DLGAP1: variants seen among roughly 807,000 people sequenced by gnomAD.
DLGAP1 encodes the protein DLG associated protein 1.
In DLGAP1, 11 loss-of-function variants were observed where a neutral mutation model predicts 90.8. The observed-to-expected ratio is 0.12, with a 90% confidence interval of 0.08 to 0.20. The LOEUF is 0.20. Ranked by LOEUF, DLGAP1 falls within the 10% of genes least tolerant of loss-of-function variation. The pLI, the probability that DLGAP1 is intolerant of heterozygous loss-of-function variation, is 1.00. For synonymous variants in DLGAP1, 558 were observed against 540.7 expected (o/e 1.03, Z -0.44); for missense variants, 1,050 against 1,333.8 (o/e 0.79, Z 3.31).
chr18:4,349,773 G>T (rs974854920), intron 1 of DLGAP1, among the ~76,000 whole-genome samples: 1 of 152,056 alleles, frequency 6.6e-6, no homozygotes, highest in African/African-American at 2.4e-5. Flanking sequence ...ACTTCTGGGG[G>T]TGTTAATCAG....
chr18:4,095,900 C>G (rs994575425), intron 2 of DLGAP1, among the ~76,000 whole-genome samples: 1 of 151,740 alleles, frequency 6.6e-6, no homozygotes, highest in Non-Finnish European at 1.5e-5. Context: ...GCGGAATCTT[C>G]GAAGTGATTT....
intron 4 of DLGAP1, among the ~76,000 whole-genome samples, chr18:3,842,689 T>C (rs1348491939): frequency 4.0e-5 from 6 of 151,732 alleles, no homozygotes; most frequent in Admixed American, 6.6e-5. Context: ...ATTGGCCCCA[T>C]GTTTCAGCGT....
intron 4 of DLGAP1, among the ~76,000 whole-genome samples, chr18:3,818,047 C>G (rs1486586253): frequency 6.6e-6 from 1 of 152,056 alleles, no homozygotes; most frequent in Admixed American, 6.6e-5. Flanking sequence ...ACTCAACAAA[C>G]ATAAACAAAT....
At chr18:3,627,338 C>T (rs1250858427) in intron 7 of DLGAP1, among the ~76,000 whole-genome samples, 2 of 150,868 alleles carry the variant, frequency 1.3e-5, no homozygotes, top group South Asian at 2.1e-4. Flanking sequence ...CTTCTGAGCT[C>T]AGGGAAGGCA....
chr18:3,882,087 C>T (rs2071187270), intron 3 of DLGAP1, among the ~76,000 whole-genome samples: 1 of 152,106 alleles, frequency 6.6e-6, no homozygotes, highest in Non-Finnish European at 1.5e-5. Flanking sequence ...AAAGATATGG[C>T]AAATAAATCA....
At chr18:3,520,286 T>G (rs2051099658) in intron 10 of DLGAP1, among the ~76,000 whole-genome samples, 1 of 152,162 alleles carries the variant, frequency 6.6e-6, no homozygotes, top group East Asian at 1.9e-4. Flanking sequence ...TCCGAACTCC[T>G]TCTGCCAGTG....
chr18:4,361,011 T>C (rs1414200764), intron 1 of DLGAP1, among the ~76,000 whole-genome samples: 3 of 151,940 alleles, frequency 2.0e-5, no homozygotes, highest in Non-Finnish European at 4.4e-5. Context: ...AGTCAAAAGA[T>C]GAGACAAAGA....
At chr18:4,286,711 A>G (rs2079702567) in intron 1 of DLGAP1, among the ~76,000 whole-genome samples, 1 of 152,208 alleles carries the variant, frequency 6.6e-6, no homozygotes, top group African/African-American at 2.4e-5. Flanking sequence ...CCAAGGAACA[A>G]GAGAGGCAGA....
At chr18:3,663,046 T>C (rs1221364221) in intron 7 of DLGAP1, among the ~76,000 whole-genome samples, 3 of 151,572 alleles carry the variant, frequency 2.0e-5, no homozygotes, top group Non-Finnish European at 1.5e-5. Flanking sequence ...CCAAGATGGG[T>C]GGATATTCTG....
chr18:4,196,256 C>T (rs989149733), intron 1 of DLGAP1, among the ~76,000 whole-genome samples: 1 of 152,106 alleles, frequency 6.6e-6, no homozygotes, highest in Non-Finnish European at 1.5e-5. Flanking sequence ...GAAAACAGGC[C>T]ATGGAGAAAC....
At chr18:4,012,030 C>A (rs2074433688) in intron 2 of DLGAP1, among the ~76,000 whole-genome samples, 1 of 152,014 alleles carries the variant, frequency 6.6e-6, no homozygotes, top group African/African-American at 2.4e-5. Context: ...TCTACAATGT[C>A]CTTGGGCATC....
At chr18:4,199,342 AT>A (rs1474588653) in intron 1 of DLGAP1, among the ~76,000 whole-genome samples, 1 of 152,252 alleles carries the variant, frequency 6.6e-6, no homozygotes, top group Non-Finnish European at 1.5e-5. Flanking sequence ...GTTTTCATTA[AT>A]TTTAGTATGC....
intron 1 of DLGAP1, among the ~76,000 whole-genome samples, chr18:4,268,058 T>C (rs1326654668): frequency 3.3e-5 from 5 of 152,206 alleles, no homozygotes; most frequent in Non-Finnish European, 7.3e-5. Context: ...AGAGGCCATC[T>C]TGGAGGCTGG....
chr18:3,656,217 G>T, intron 7 of DLGAP1: 1 of 922,142 alleles, frequency 1.1e-6, no homozygotes, highest in South Asian at 2.0e-5. Flanking sequence ...TTCTTTTTCT[G>T]CTGGCATTGC....
rs1735177759 is a variant in DLGAP1, at chr18:3,513,144, C to T, written c.2480-4483G>A. Reference sequence around the variant, plus strand: ...GCAGCATTTGTTCTCCAGTGACTGGCTTATTCCACTTAGCATATAGTCCTC... The same window carrying T: ...GCAGCATTTGTTCTCCAGTGACTGGTTTATTCCACTTAGCATATAGTCCTC... On this transcript the variant is annotated intron_variant, in intron 10 of 12. Coordinates refer to ENST00000315677, the MANE Select transcript of DLGAP1 (RefSeq NM_004746.4). Among the ~76,000 whole-genome samples, 3 of 152,310 alleles carry T rather than the reference C, an allele frequency of 2.0e-5. No homozygotes were observed. The South Asian group carries it at 6.2e-4, about 32-fold the overall frequency.
intron 3 of DLGAP1, among the ~76,000 whole-genome samples, chr18:3,916,661 T>G (rs751158241): frequency 2.6e-5 from 4 of 152,184 alleles, no homozygotes; most frequent in Non-Finnish European, 4.4e-5. Context: ...TCTAAGAACA[T>G]GCACAATGTA....
At position 4,359,881 on chromosome 18, in the gene DLGAP1, G is replaced by A. The variant is rs149723736; in HGVS notation, c.-267+95125C>T. ...ATATAGTCTGTATTTGAAAGTTGGAGGGAAGCAAACAATATACATGCAAAC... is the reference window on the plus strand; with the variant it reads ...ATATAGTCTGTATTTGAAAGTTGGAAGGAAGCAAACAATATACATGCAAAC... On this transcript the variant is annotated intron_variant, in intron 1 of 12. Coordinates refer to ENST00000315677, the MANE Select transcript of DLGAP1 (RefSeq NM_004746.4). 4.6e-3 allele frequency among the ~76,000 whole-genome samples: 698 copies of A among 152,264 alleles called. 2 individuals are homozygous for A. The highest frequency in any genetic ancestry group is 0.02 in the Middle Eastern group (6 of 294).
intron 2 of DLGAP1, among the ~76,000 whole-genome samples, chr18:4,088,826 C>G (rs1194613310): frequency 6.6e-6 from 1 of 152,130 alleles, no homozygotes; most frequent in East Asian, 1.9e-4. Flanking sequence ...CCATTTATGA[C>G]AAACCCACAG....
intron 7 of DLGAP1, among the ~76,000 whole-genome samples, chr18:3,725,498 GT>G (rs1830717773): frequency 6.6e-6 from 1 of 152,056 alleles, no homozygotes; most frequent in Non-Finnish European, 1.5e-5. Context: ...AAGGGTTCTT[GT>G]TTTTTCAGTC....
Sources: gnomAD v4.1 joint callset for allele counts (sites outside exome capture counted in the v4.1 genomes callset) on GRCh38, gnomAD v4.1.1 for gene constraint, MANE v1.5 for transcripts, NCBI Gene and HGNC (gene_info 2026-07-23, HGNC 2026-07-21) for gene names.